Variants in DIDO1 observed in about 807,000 individuals in gnomAD.
DIDO1 encodes the protein death inducer-obliterator 1, also known as death-inducer obliterator 1.
A neutral mutation model predicts 99.4 loss-of-function variants in DIDO1; 16 were observed. That is an observed-to-expected ratio of 0.16 (90% CI 0.11 to 0.24). The LOEUF (loss-of-function observed/expected upper bound fraction) is 0.24, where lower values mean the gene tolerates loss of function less well. DIDO1 is among the 10% of genes least tolerant of loss of function. The pLI, the probability that DIDO1 is intolerant of heterozygous loss-of-function variation, is 1.00. For missense variants in DIDO1, 2,996 were observed against 3,014.0 expected (o/e 0.99, Z 0.14); for synonymous variants, 1,366 against 1,239.1 (o/e 1.10, Z -2.15).
chr20:62,892,729 G>A (rs1035651733), intron 13 of DIDO1, 80 bp downstream of exon 13: 7 of 1,498,052 alleles, frequency 4.7e-6, no homozygotes, highest in African/African-American at 1.4e-5. Context: ...TGAATTAAGG[G>A]AGAAAGTCAT....
At chr20:62,900,010 A>G (rs185967397) in intron 6 of DIDO1, among the ~76,000 whole-genome samples, 3 of 152,194 alleles carry the variant, frequency 2.0e-5, no homozygotes, top group African/African-American at 7.2e-5. Flanking sequence ...GTTGTGTATA[A>G]CTTCAGAGAA....
chr20:62,899,859 G>T (rs1256653074), intron 6 of DIDO1, among the ~76,000 whole-genome samples: 1 of 152,182 alleles, frequency 6.6e-6, no homozygotes, highest in Non-Finnish European at 1.5e-5. Flanking sequence ...AGGGACCCGA[G>T]CACACACCCA....
chr20:62,912,449 C>T lies in DIDO1; in HGVS notation c.-2-835G>A, dbSNP rs114720472. ...TATTTCTTTTTTTTTTTTTTTGAGA[C>T]GGAGTCTTGCTCTGTCCCCAGGCTG... On this transcript the variant is annotated intron_variant, in intron 2 of 15. Coordinates refer to ENST00000395343, the MANE Select transcript of DIDO1 (RefSeq NM_001193369.2). 9.1e-3 allele frequency among the ~76,000 whole-genome samples: 1,350 copies of T among 147,808 alleles called. 22 individuals carry two copies. Among genetic ancestry groups the T allele is most frequent in the African/African-American group, 0.032 (1,277 of 39,984 alleles).
Position 62,911,569 on chromosome 20 carries a change from G to C in DIDO1, c.44C>G (p.Ala15Gly). Residue 15 changes from alanine to glycine, a missense_variant, in exon 3 of 16, where the codon GCC (alanine) becomes GGC (glycine). Physicochemically the swap from Ala to Gly is moderately conservative, Grantham distance 60. Around this residue, in one of 5 missense-constraint regions of DIDO1, gnomAD observed 388 missense variants for 376.6 expected, o/e 1.03. Transcript: ENST00000395343. The surrounding 1 kb of genome is among the most constrained non-coding windows in gnomAD (Gnocchi z 7.0). ...GAACTCTTTGCTGGTGGGTTTGATG[G>C]CCTTAGGTGCCTCCTCATTGCTCGG... ...GDPSNEEAPKAIKPTSKEFRK... is the reference protein window; with the variant it reads ...GDPSNEEAPKGIKPTSKEFRK... 6.2e-7 allele frequency: 1 copy of C among 1,605,294 alleles called. No individual in the cohort carries two copies. The highest frequency in any genetic ancestry group is 8.5e-7 in the Non-Finnish European group (1 of 1,175,278).
At position 62,894,705 on chromosome 20, in the gene DIDO1, C is replaced by T. The variant is rs1486902131; in HGVS notation, c.2436+105G>A. On this transcript the variant is annotated intron_variant, in intron 10 of 15. Transcript: ENST00000395343. The surrounding 1 kb of genome is among the most constrained non-coding windows in gnomAD (Gnocchi z 4.4). ...GACTGAGGAATGCCACAATGACATACACCTGCTGTAAGCTCAGGTCCTGCC... is the reference window on the plus strand; with the variant it reads ...GACTGAGGAATGCCACAATGACATATACCTGCTGTAAGCTCAGGTCCTGCC... 1.3e-5 allele frequency: 19 copies of T among 1,410,234 alleles called. No homozygotes were observed. Among genetic ancestry groups the T allele is most frequent in the Non-Finnish European group, 1.7e-5 (18 of 1,041,662 alleles). The allele number at this position is 1,410,234 out of a possible 1,614,324, so 87.4% of individuals were successfully genotyped here.
chr20:62,884,073 A>C (rs970562597), intron 15 of DIDO1, among the ~76,000 whole-genome samples: 8 of 152,182 alleles, frequency 5.3e-5, no homozygotes, highest in African/African-American at 1.9e-4. Context: ...AGACTCCCTA[A>C]GGCTCATGTC....
At chr20:62,897,125 A>T in intron 6 of DIDO1, 129 bp from the exon 7 acceptor site, 1 of 827,648 alleles carries the variant, frequency 1.2e-6, no homozygotes, top group South Asian at 2.0e-5. Context: ...ATACACATAG[A>T]GAAAAGGATT....
intron 15 of DIDO1, among the ~76,000 whole-genome samples, chr20:62,884,895 G>A (rs1040151898): frequency 6.6e-6 from 1 of 150,432 alleles, no homozygotes; most frequent in African/African-American, 2.4e-5. Flanking sequence ...AAAACCAGCC[G>A]GGCCACACCG....
upstream of DIDO1, among the ~76,000 whole-genome samples, chr20:62,927,649 C>T (rs75451182): frequency 0.068 from 10,355 of 152,290 alleles, 446 homozygotes; most frequent in Middle Eastern, 0.13. Flanking sequence ...CCCAGAGTGC[C>T]GTAAAGCTGC....
rs201854966 is a variant in DIDO1 at position 62,896,613 on chromosome 20, C to A, written c.1972G>T (p.Ala658Ser). The A allele has an allele frequency of 5.6e-6, 9 of 1,613,642 alleles. No homozygotes were observed. The highest frequency in any genetic ancestry group is 7.6e-6 in the Non-Finnish European group (9 of 1,179,664). The change falls in exon 7 of 16, where the codon GCT becomes TCT. Residue 658 changes from alanine (A) to serine (S), a missense_variant. Around this residue, in one of 5 missense-constraint regions of DIDO1, gnomAD observed 898 missense variants for 972.7 expected, o/e 0.92. Coordinates refer to ENST00000395343, the MANE Select transcript of DIDO1 (RefSeq NM_001193369.2). The surrounding 1 kb of genome is among the most constrained non-coding windows in gnomAD (Gnocchi z 4.4). ...MASPAPGRLG[A>S]MSAAPSQPNS... ...GGCTGCGATGGTGCAGCACTCATAG[C>A]CCCAAGGCGTCCTGGGGCTGGCGAG...
chr20:62,887,846 TCACCTGGAACCAGGC>T, intron 15 of DIDO1: 2 of 985,470 alleles, frequency 2.0e-6, no homozygotes, highest in Non-Finnish European at 2.4e-6. Context: ...GTGGAGAAGG[TCACCTGGAACCAGGC>T]CTCCCAGCTG....
rs2064937392 is a variant in DIDO1, at chr20:62,911,410, G to T, written c.203C>A (p.Pro68His). 6.2e-7 allele frequency: 1 copy of T among 1,611,504 alleles called. No homozygotes were observed. The change falls in exon 3 of 16, where the codon CCC (proline) becomes CAC (histidine). Residue 68 changes from proline (P) to histidine (H), a missense_variant. By Grantham distance (77) the Pro-to-His change is moderately conservative. Coordinates refer to ENST00000395343, the MANE Select transcript of DIDO1 (RefSeq NM_001193369.2). This position sits in a 1 kb window ranked among gnomAD's most constrained non-coding sequence, Gnocchi z 7.0. ...CTGCTCCACGCGCTCAGTGCGCTTGGGCTGCCTCCCACTGCGCCGCAGGGA... is the reference window on the plus strand; with the variant it reads ...CTGCTCCACGCGCTCAGTGCGCTTGTGCTGCCTCCCACTGCGCCGCAGGGA... ...GLSLRRSGRQ[P>H]KRTERVEQFL...
intron 5 of DIDO1, 91 bp from the exon 6 acceptor site, chr20:62,906,191 G>C: frequency 6.7e-7 from 1 of 1,491,244 alleles, no homozygotes. Flanking sequence ...GGGACCCAAT[G>C]TCTTCCTGAG....
chr20:62,926,888 A>C (rs1264139542), upstream of DIDO1, among the ~76,000 whole-genome samples: 1 of 152,186 alleles, frequency 6.6e-6, no homozygotes, highest in African/African-American at 2.4e-5. Flanking sequence ...TCCTGGGCTA[A>C]ATTTGTAAGA....
intron 1 of DIDO1, among the ~76,000 whole-genome samples, chr20:62,918,694 CAG>C (rs2065082179): frequency 6.6e-6 from 1 of 152,206 alleles, no homozygotes; most frequent in African/African-American, 2.4e-5. Flanking sequence ...ACCCGCCAGT[CAG>C]AAATTATAAT....
At chr20:62,906,945 G>A (rs1180818742) in intron 5 of DIDO1, among the ~76,000 whole-genome samples, 1 of 152,204 alleles carries the variant, frequency 6.6e-6, no homozygotes, top group Non-Finnish European at 1.5e-5. Flanking sequence ...TTGCTTTACT[G>A]CACTTGTGTT....
At chr20:62,922,096 CACACTATATATAT>C (rs1220706596) in intron 1 of DIDO1, among the ~76,000 whole-genome samples, 20 of 80,710 alleles carry the variant, frequency 2.5e-4, no homozygotes, top group African/African-American at 5.7e-4. Flanking sequence ...ACTATATATA[CACACTATATATAT>C]ACACACACAC....
rs543372002 is a variant in DIDO1 at position 62,880,797 on chromosome 20, T to C, written c.5159A>G (p.Glu1720Gly). ...GRSSSPAGET[E>G]GDREPQARPG... is the part of the protein sequence containing the mutation. ...TCTGGCCTGTGGCTCTCTGTCCCCC[T>C]CTGTTTCACCTGCAGGGCTGCTGCT... Residue 1720 changes from glutamate (E) to glycine (G), a missense_variant, in exon 16 of 16, where the codon GAG becomes GGG. Coordinates refer to ENST00000395343, the MANE Select transcript of DIDO1 (RefSeq NM_001193369.2). 133 of 1,612,556 alleles carry C rather than the reference T, an allele frequency of 8.2e-5. 1 individual carries two copies. Among genetic ancestry groups the C allele is most frequent in the South Asian group, 3.7e-4 (34 of 91,066 alleles).
chr20:62,929,607 C>A (rs118140351), upstream of DIDO1, among the ~76,000 whole-genome samples: 1,546 of 150,060 alleles, frequency 0.01, 14 homozygotes, highest in South Asian at 0.023. Context: ...GTATCGCCAG[C>A]CACTTGGGGC....
Sources: allele counts gnomAD v4.1 joint callset (sites outside exome capture counted in the v4.1 genomes callset), GRCh38; gene constraint gnomAD v4.1.1; regional missense constraint gnomAD v4.1.1; non-coding constraint Gnocchi (gnomAD v3.1); transcripts MANE v1.5; gene names NCBI Gene and HGNC (gene_info 2026-07-23, HGNC 2026-07-21).